Variants in BAALC observed in about 807,000 individuals in gnomAD.
The protein encoded by BAALC is BAALC binder of MAP3K1 and KLF4.
A neutral mutation model predicts 15.5 loss-of-function variants in BAALC; 9 were observed. That is an observed-to-expected ratio of 0.58 (90% CI 0.35 to 1.02). The LOEUF (loss-of-function observed/expected upper bound fraction) is 1.02, where lower values mean the gene tolerates loss of function less well. Ranked by LOEUF, BAALC falls within the 50% of genes least tolerant of loss-of-function variation. The probability of loss-of-function intolerance (pLI) is 0.02; values close to 1 mark genes in which losing one functional copy is unlikely to be tolerated. For missense variants in BAALC, 201 were observed against 192.4 expected (o/e 1.04, Z -0.27); for synonymous variants, 80 against 74.6 (o/e 1.07, Z -0.37).
chr8:103,202,877 A>G (rs1397739481), intron 1 of BAALC: 1 of 152,312 alleles, frequency 6.6e-6, no homozygotes, highest in Non-Finnish European at 1.5e-5. Context: ...CTCTGAGAGG[A>G]GCAAAGGGAG....
At chr8:103,227,035 T>C (rs1023864709) in intron 2 of BAALC, among the ~76,000 whole-genome samples, 1 of 152,138 alleles carries the variant, frequency 6.6e-6, no homozygotes, top group Non-Finnish European at 1.5e-5. Context: ...GGACCATAGC[T>C]CATTCACTCA....
chr8:103,198,196 A>T, intron 1 of BAALC: 1 of 695,614 alleles, frequency 1.4e-6, no homozygotes, highest in Non-Finnish European at 2.6e-6. Flanking sequence ...TAAAATAGGC[A>T]TTGCAATGTA....
intron 1 of BAALC, among the ~76,000 whole-genome samples, chr8:103,154,382 C>A (rs1381934273): frequency 6.6e-6 from 1 of 152,000 alleles, no homozygotes; most frequent in Non-Finnish European, 1.5e-5. Context: ...CTGTCCTCAC[C>A]GCCTTTCACC....
chr8:103,213,139 G>T (rs1340077475), intron 2 of BAALC, 54 bp downstream of exon 2: 3 of 1,577,496 alleles, frequency 1.9e-6, no homozygotes, highest in Non-Finnish European at 2.6e-6. Context: ...GGTAGGGCTT[G>T]CTTCAGGGCA....
chr8:103,214,478 C>T (rs1195308278), intron 2 of BAALC, among the ~76,000 whole-genome samples: 9 of 152,218 alleles, frequency 5.9e-5, no homozygotes. Flanking sequence ...GTTCCAAAAA[C>T]TTACTGGTCC....
intron 1 of BAALC, among the ~76,000 whole-genome samples, chr8:103,182,829 G>C (rs1811756294): frequency 6.6e-6 from 1 of 152,168 alleles, no homozygotes; most frequent in South Asian, 2.1e-4. Flanking sequence ...TATCTCCATA[G>C]CAAGAAACTC....
intron 1 of BAALC, among the ~76,000 whole-genome samples, chr8:103,148,661 C>T (rs933779010): frequency 2.6e-5 from 4 of 152,006 alleles, no homozygotes; most frequent in East Asian, 1.9e-4. Context: ...TTTTTGTAAC[C>T]GGCCTGCTGA....
At chr8:103,191,413 T>C (rs1811964725) in intron 1 of BAALC, 1 of 152,130 alleles carries the variant, frequency 6.6e-6, no homozygotes, top group South Asian at 2.1e-4. Flanking sequence ...GACCTTGAGT[T>C]CATGAGGTTT....
chr8:103,176,925 G>C (rs1052335149), intron 1 of BAALC, among the ~76,000 whole-genome samples: 1 of 152,132 alleles, frequency 6.6e-6, no homozygotes, highest in Non-Finnish European at 1.5e-5. Context: ...CCTCCCCTTT[G>C]CTGGACTTGC....
At chr8:103,191,610 G>A (rs899984499) in intron 1 of BAALC, among the ~76,000 whole-genome samples, 18 of 152,070 alleles carry the variant, frequency 1.2e-4, no homozygotes, top group Admixed American at 7.2e-4. Context: ...CAGAACTTCT[G>A]GTTCAAAATG....
intron 2 of BAALC, among the ~76,000 whole-genome samples, chr8:103,219,998 C>T (rs1812642751): frequency 6.6e-6 from 1 of 152,286 alleles, no homozygotes; most frequent in East Asian, 1.9e-4. Context: ...AACATCATTT[C>T]CTACCTGGGA....
At chr8:103,218,664 G>A (rs1293284123) in intron 2 of BAALC, among the ~76,000 whole-genome samples, 1 of 152,058 alleles carries the variant, frequency 6.6e-6, no homozygotes, top group African/African-American at 2.4e-5. Context: ...TGGCCTTCCA[G>A]GGAACCCTCC....
intron 1 of BAALC, among the ~76,000 whole-genome samples, chr8:103,187,939 A>C (rs1258442838): frequency 6.6e-6 from 1 of 152,156 alleles, no homozygotes; most frequent in Non-Finnish European, 1.5e-5. Flanking sequence ...GTGCTAATAA[A>C]GATTAGAGCT....
intron 1 of BAALC, among the ~76,000 whole-genome samples, chr8:103,207,854 T>A (rs1210024562): frequency 6.6e-6 from 1 of 152,234 alleles, no homozygotes; most frequent in African/African-American, 2.4e-5. Flanking sequence ...TAACATTGAA[T>A]CTATTTTTCA....
chr8:103,142,167 C>T (rs896110848), intron 1 of BAALC, among the ~76,000 whole-genome samples: 2 of 152,180 alleles, frequency 1.3e-5, no homozygotes, highest in East Asian at 1.9e-4. Flanking sequence ...GAAGGAAATG[C>T]GAATTACTTT....
At chr8:103,175,442 G>T (rs1222053787) in intron 1 of BAALC, among the ~76,000 whole-genome samples, 2 of 152,156 alleles carry the variant, frequency 1.3e-5, no homozygotes, top group African/African-American at 4.8e-5. Context: ...CTTCTGTGAG[G>T]TTCCTGACAT....
intron 1 of BAALC, among the ~76,000 whole-genome samples, chr8:103,188,472 G>A (rs945537399): frequency 4.9e-4 from 74 of 152,302 alleles, no homozygotes; most frequent in African/African-American, 1.7e-3. Flanking sequence ...TGGCTTAGAA[G>A]TTCAGGCTCT....
At chr8:103,167,470 G>A (rs1157446950) in intron 1 of BAALC, among the ~76,000 whole-genome samples, 1 of 152,172 alleles carries the variant, frequency 6.6e-6, no homozygotes, top group Non-Finnish European at 1.5e-5. Context: ...ATTTAAATTA[G>A]CATAGCCCAG....
chr8:103,204,390 G>A (rs916717253), intron 1 of BAALC, among the ~76,000 whole-genome samples: 13 of 152,000 alleles, frequency 8.6e-5, no homozygotes, highest in Admixed American at 7.9e-4. Flanking sequence ...TCTTCATGGT[G>A]TCCTTTGAAT....
Sources: gnomAD v4.1 joint callset for allele counts (sites outside exome capture counted in the v4.1 genomes callset) on GRCh38, gnomAD v4.1.1 for gene constraint, MANE v1.5 for transcripts, NCBI Gene and HGNC (gene_info 2026-07-23, HGNC 2026-07-21) for gene names.